AKAP19: variants seen among roughly 807,000 people sequenced by gnomAD.
AKAP19 encodes the protein A-kinase anchoring protein 19.
chr2:190,085,058 C>T, the AKAP19 span, among the ~76,000 whole-genome samples: 4 of 152,178 alleles, frequency 2.6e-5, no homozygotes, highest in African/African-American at 9.7e-5. Context: ...GGGGTGATTC[C>T]TTCATTGCCA....
chr2:190,018,073 A>T, the AKAP19 span, among the ~76,000 whole-genome samples: 8 of 151,742 alleles, frequency 5.3e-5, no homozygotes, highest in South Asian at 4.2e-4. Context: ...TGTTTTCACA[A>T]TTTTTTCTTT....
chr2:189,918,224 T>C, the AKAP19 span, among the ~76,000 whole-genome samples: 115 of 152,286 alleles, frequency 7.6e-4, 1 homozygote, highest in African/African-American at 2.7e-3. Context: ...CAAAACTCGA[T>C]AGAATATATA....
At chr2:189,968,181 T>C in the AKAP19 span, among the ~76,000 whole-genome samples, 3 of 152,194 alleles carry the variant, frequency 2.0e-5, no homozygotes, top group Admixed American at 6.5e-5. Flanking sequence ...GTGATAGATA[T>C]AATTTCTGAG....
the AKAP19 span, among the ~76,000 whole-genome samples, chr2:189,920,712 AT>A: frequency 7.2e-5 from 11 of 152,238 alleles, no homozygotes; most frequent in South Asian, 2.3e-3. Flanking sequence ...TTTTGTTCAA[AT>A]TCTCCAGCCC....
chr2:190,012,793 A>G, the AKAP19 span, among the ~76,000 whole-genome samples: 1 of 152,252 alleles, frequency 6.6e-6, no homozygotes, highest in East Asian at 1.9e-4. Context: ...TTCTAAACCT[A>G]ATGTGTTGAG....
chr2:190,036,832 A>G, the AKAP19 span, among the ~76,000 whole-genome samples: 1 of 152,204 alleles, frequency 6.6e-6, no homozygotes, highest in Non-Finnish European at 1.5e-5. Context: ...AAACTGCTGA[A>G]ATAGCTTCCC....
At chr2:190,135,181 T>C in the AKAP19 span, among the ~76,000 whole-genome samples, 84,627 of 151,956 alleles carry the variant, frequency 0.56, 24,246 homozygotes, top group Middle Eastern at 0.68. Context: ...TTTTTCCCAG[T>C]AACTTCTCAG....
chr2:189,981,320 T>C, the AKAP19 span, among the ~76,000 whole-genome samples: 2 of 151,552 alleles, frequency 1.3e-5, no homozygotes, highest in African/African-American at 2.4e-5. Context: ...TCTGTTTTAT[T>C]TGGTATAAGA....
At chr2:189,989,438 T>C in the AKAP19 span, among the ~76,000 whole-genome samples, 1 of 151,314 alleles carries the variant, frequency 6.6e-6, no homozygotes, top group Non-Finnish European at 1.5e-5. Flanking sequence ...AGATTAAAAA[T>C]TAAAAAAAAA....
At chr2:190,114,015 C>T in the AKAP19 span, among the ~76,000 whole-genome samples, 3 of 152,182 alleles carry the variant, frequency 2.0e-5, no homozygotes, top group South Asian at 4.2e-4. Context: ...CTGAAAGTTA[C>T]TCTTATTTTA....
the AKAP19 span, among the ~76,000 whole-genome samples, chr2:190,140,542 G>A: frequency 3.9e-5 from 6 of 152,174 alleles, no homozygotes; most frequent in Non-Finnish European, 7.4e-5. Flanking sequence ...ACACCATGTG[G>A]AAGCTGCCAA....
chr2:189,929,419 C>T, the AKAP19 span, among the ~76,000 whole-genome samples: 1 of 152,104 alleles, frequency 6.6e-6, no homozygotes, highest in Non-Finnish European at 1.5e-5. Context: ...AATTCAATCT[C>T]AATAAATCAG....
chr2:190,196,802 TTTGTGCTA>T, the AKAP19 span, among the ~76,000 whole-genome samples: 3 of 152,182 alleles, frequency 2.0e-5, no homozygotes, highest in Non-Finnish European at 1.5e-5. Flanking sequence ...TCTGGCTTCT[TTTGTGCTA>T]TAATAGCAGA....
chr2:190,019,923 G>A, the AKAP19 span, among the ~76,000 whole-genome samples: 1 of 152,172 alleles, frequency 6.6e-6, no homozygotes, highest in African/African-American at 2.4e-5. Flanking sequence ...TTTCATAAAG[G>A]TGTTCTTGTC....
chr2:190,201,033 G>A, the AKAP19 span: 3 of 163,332 alleles, frequency 1.8e-5, no homozygotes, highest in Admixed American at 6.7e-5. Flanking sequence ...TGACTAGTAA[G>A]GCGGTCACCA....
chr2:190,114,444 T>TTTTGTTTG, the AKAP19 span, among the ~76,000 whole-genome samples: 4 of 151,908 alleles, frequency 2.6e-5, no homozygotes, highest in Admixed American at 1.3e-4. Context: ...AAAGAAAGTG[T>TTTTGTTTG]TTTGTTTGTT....
chr2:189,927,297 A>G, the AKAP19 span, among the ~76,000 whole-genome samples: 1 of 152,228 alleles, frequency 6.6e-6, no homozygotes, highest in Admixed American at 6.5e-5. Flanking sequence ...AAAGTTTAGA[A>G]TAGCTTAATA....
chr2:190,021,751 G>T, the AKAP19 span, among the ~76,000 whole-genome samples: 1 of 152,212 alleles, frequency 6.6e-6, no homozygotes, highest in African/African-American at 2.4e-5. Flanking sequence ...TGTCAGATCT[G>T]CATGATAATC....
chr2:189,971,197 T>C, the AKAP19 span, among the ~76,000 whole-genome samples: 2 of 152,142 alleles, frequency 1.3e-5, no homozygotes. Context: ...AGTGTTCTCA[T>C]TGTTCAATTC....
Sources: allele counts gnomAD v4.1 joint callset (sites outside exome capture counted in the v4.1 genomes callset), GRCh38; gene constraint gnomAD v4.1.1; transcripts MANE v1.5; gene names NCBI Gene and HGNC (gene_info 2026-07-23, HGNC 2026-07-21).